KIF26B: variants seen among roughly 807,000 people sequenced by gnomAD.
The protein encoded by KIF26B is kinesin-like protein KIF26B.
A neutral mutation model predicts 151.2 loss-of-function variants in KIF26B; 63 were observed. The observed-to-expected ratio is 0.42, with a 90% confidence interval of 0.34 to 0.51. KIF26B has a LOEUF of 0.51. KIF26B is among the 20% of genes least tolerant of loss of function. KIF26B has a pLI of 0.07. For missense variants in KIF26B, 2,813 were observed against 2,913.6 expected, an observed-to-expected ratio of 0.97 and a Z score of 0.79; for synonymous variants, 1,357 against 1,262.1, an observed-to-expected ratio of 1.08 and a Z score of -1.59.
At chr1:245,382,605 G>A (rs1185590340) in intron 3 of KIF26B, among the ~76,000 whole-genome samples, 1 of 151,878 alleles carries the variant, frequency 6.6e-6, no homozygotes, top group Non-Finnish European at 1.5e-5. Flanking sequence ...TTTCATTCTT[G>A]TTGCCCAGGC....
At chr1:245,235,567 T>G (rs951941599) in intron 2 of KIF26B, among the ~76,000 whole-genome samples, 1 of 151,662 alleles carries the variant, frequency 6.6e-6, no homozygotes, top group African/African-American at 2.4e-5. Flanking sequence ...CACTCGAGCT[T>G]GGGTGACAGA....
At chr1:245,461,636 C>T (rs767818261) in intron 4 of KIF26B, among the ~76,000 whole-genome samples, 53 of 152,178 alleles carry the variant, frequency 3.5e-4, no homozygotes, top group Non-Finnish European at 7.3e-4. Flanking sequence ...CCCATCAGAG[C>T]TTCCCCGGGG....
intron 2 of KIF26B, among the ~76,000 whole-genome samples, chr1:245,296,305 T>A (rs1876946): frequency 0.039 from 5,911 of 152,054 alleles, 179 homozygotes; most frequent in African/African-American, 0.078. Flanking sequence ...AAGTCTGTCT[T>A]CTCACAGGTT....
chr1:245,555,719 C>A (rs1662006188), intron 5 of KIF26B, among the ~76,000 whole-genome samples: 1 of 152,168 alleles, frequency 6.6e-6, no homozygotes, highest in African/African-American at 2.4e-5. Flanking sequence ...GACCAGGTTA[C>A]ACAGAGCATG....
intron 4 of KIF26B, among the ~76,000 whole-genome samples, chr1:245,528,647 G>A (rs891246586): frequency 1.3e-5 from 2 of 152,218 alleles, no homozygotes; most frequent in Admixed American, 1.3e-4. Flanking sequence ...ATCAAAGGCA[G>A]TTTATACATT....
intron 5 of KIF26B, among the ~76,000 whole-genome samples, chr1:245,590,168 G>T (rs565871665): frequency 6.6e-6 from 1 of 152,056 alleles, no homozygotes; most frequent in Admixed American, 6.5e-5. Context: ...AGGCCTGCAA[G>T]GGGAGGCCGA....
At chr1:245,559,893 T>C (rs2042923090) in intron 5 of KIF26B, among the ~76,000 whole-genome samples, 1 of 151,858 alleles carries the variant, frequency 6.6e-6, no homozygotes, top group African/African-American at 2.4e-5. Flanking sequence ...TTTTTTTTTT[T>C]CCAATCAGTA....
chr1:245,158,612 G>A (rs1239537760), intron 2 of KIF26B, among the ~76,000 whole-genome samples: 1 of 152,164 alleles, frequency 6.6e-6, no homozygotes, highest in African/African-American at 2.4e-5. Flanking sequence ...GCAGTCATGG[G>A]GGCAGTCACA....
intron 2 of KIF26B, among the ~76,000 whole-genome samples, chr1:245,347,117 A>G (rs1267976788): frequency 6.6e-6 from 1 of 152,184 alleles, no homozygotes; most frequent in Non-Finnish European, 1.5e-5. Context: ...TTTCCAGTTT[A>G]TGACCATTAA....
At chr1:245,690,672 G>C (rs1342599422) in intron 12 of KIF26B, among the ~76,000 whole-genome samples, 1 of 152,168 alleles carries the variant, frequency 6.6e-6, no homozygotes. Flanking sequence ...CTTGGCCATG[G>C]GGATGTTAGG....
intron 9 of KIF26B, among the ~76,000 whole-genome samples, chr1:245,621,141 C>T (rs545981370): frequency 9.2e-5 from 14 of 152,236 alleles, no homozygotes; most frequent in South Asian, 2.1e-4. Flanking sequence ...GGGAACCAGA[C>T]GTCAATATTT....
Position 245,338,841 on chromosome 1 carries a change from T to C in KIF26B, c.466-27993T>C, listed in dbSNP as rs145645875. On this transcript the variant is annotated intron_variant, in intron 2 of 14. Transcript: ENST00000407071. ...AGGTGCATCGATCACCCCCAAAGCTTACATAAGATCCTAGCAGTCAGAAGG... is the reference window on the plus strand; with the variant it reads ...AGGTGCATCGATCACCCCCAAAGCTCACATAAGATCCTAGCAGTCAGAAGG... Among the ~76,000 whole-genome samples the C allele has an allele frequency of 4.6e-3, 707 of 152,216 alleles. 6 individuals are homozygous for C. Among genetic ancestry groups the C allele is most frequent in the Middle Eastern group, 0.024 (7 of 294 alleles).
At chr1:245,441,526 A>C (rs1161516821) in intron 4 of KIF26B, among the ~76,000 whole-genome samples, 3 of 151,674 alleles carry the variant, frequency 2.0e-5, no homozygotes, top group Non-Finnish European at 2.9e-5. Flanking sequence ...CCTCCCCACT[A>C]TTTCATCCGC....
chr1:245,457,197 A>G (rs551061732), intron 4 of KIF26B, among the ~76,000 whole-genome samples: 1 of 152,310 alleles, frequency 6.6e-6, no homozygotes, highest in African/African-American at 2.4e-5. Context: ...AGAATGACCT[A>G]TTATCTAAAC....
Position 245,704,971 on chromosome 1 carries a change from C to G in KIF26B, c.*2365C>G, listed in dbSNP as rs758918469. Reference sequence around the variant, plus strand: ...GCTTTCGCCCCTGCCACATCCTCCCCTGAGGTTCCTTCCATGCTGCACTGC... The same window carrying G: ...GCTTTCGCCCCTGCCACATCCTCCCGTGAGGTTCCTTCCATGCTGCACTGC... On this transcript the variant is annotated 3_prime_UTR_variant, in exon 15 of 15. Coordinates refer to ENST00000407071, the MANE Select transcript of KIF26B (RefSeq NM_018012.4). 3 of 152,292 alleles carry G rather than the reference C, an allele frequency of 2.0e-5. No homozygotes were observed. Among genetic ancestry groups the G allele is most frequent in the Admixed American group, 2.0e-4 (3 of 15,292 alleles). The allele number at this position is 152,292 out of a possible 1,614,324, so 9.4% of individuals were successfully genotyped here.
chr1:245,253,625 G>A (rs1670481417), intron 2 of KIF26B, among the ~76,000 whole-genome samples: 1 of 151,830 alleles, frequency 6.6e-6, no homozygotes, highest in African/African-American at 2.4e-5. Context: ...AGTTTGGTAG[G>A]ATTTGTCTCT....
intron 2 of KIF26B, among the ~76,000 whole-genome samples, chr1:245,292,078 G>C (rs74153174): frequency 6.6e-6 from 1 of 152,166 alleles, no homozygotes; most frequent in Non-Finnish European, 1.5e-5. Context: ...GATAATACAT[G>C]TAGAGGCGTG....
chr1:245,388,514 C>T (rs1328943128), intron 3 of KIF26B, among the ~76,000 whole-genome samples: 1 of 152,172 alleles, frequency 6.6e-6, no homozygotes, highest in Admixed American at 6.5e-5. Context: ...AAGATAATGA[C>T]TATGTTAATT....
At chr1:245,658,421 CAG>C (rs763413748) in intron 10 of KIF26B, among the ~76,000 whole-genome samples, 4 of 152,150 alleles carry the variant, frequency 2.6e-5, no homozygotes, top group Non-Finnish European at 4.4e-5. Context: ...CTTTTTGAGA[CAG>C]GGTGTCACTC....
Sources: gnomAD v4.1 joint callset for allele counts (sites outside exome capture counted in the v4.1 genomes callset) on GRCh38, gnomAD v4.1.1 for gene constraint, MANE v1.5 for transcripts, NCBI Gene and HGNC (gene_info 2026-07-23, HGNC 2026-07-21) for gene names.